The following ALPK3 variants were observed in gnomAD, a reference collection of about 807,000 sequenced individuals.
The protein encoded by ALPK3 is alpha kinase 3.
Under a neutral mutation model 140.0 loss-of-function variants are expected in ALPK3, and 102 were observed. That is an observed-to-expected ratio of 0.73 (90% confidence interval 0.62 to 0.86). The LOEUF (loss-of-function observed/expected upper bound fraction) is 0.86. Ranked by LOEUF, ALPK3 falls within the 40% of genes least tolerant of loss-of-function variation. The pLI is 0.00. For synonymous variants in ALPK3, 938 were observed against 898.5 expected, an observed-to-expected ratio of 1.04 and a Z score of -0.79; for missense variants, 2,254 against 2,208.2, an observed-to-expected ratio of 1.02 and a Z score of -0.42.
chr15:84,839,500 G>A (rs752519050), intron 4 of ALPK3, among the ~76,000 whole-genome samples: 22 of 152,298 alleles, frequency 1.4e-4, no homozygotes, highest in Admixed American at 1.3e-4. Flanking sequence ...TTGGTCAGCC[G>A]CCACCTTTTT....
chr15:84,863,030 CTTA>C (rs1389356542), intron 10 of ALPK3, 115 bp downstream of exon 10: 1 of 1,376,032 alleles, frequency 7.3e-7, no homozygotes, highest in Non-Finnish European at 9.9e-7. Context: ...CAGTCTCAAC[CTTA>C]TGAGGCTCCT....
At position 84,868,574 on chromosome 15, in the gene ALPK3, C is replaced by T; in HGVS notation, c.*118C>T. The T allele has an allele frequency of 1.0e-6, 1 of 994,280 alleles. No homozygotes were observed. Among genetic ancestry groups the T allele is most frequent in the South Asian group, 1.7e-5 (1 of 58,370 alleles). 61.6% of individuals were successfully genotyped at this position (994,280 alleles called of 1,614,324 possible). A position where few individuals can be genotyped will look rare whatever the true frequency, so the allele number is the denominator to read the frequency against. Reference sequence around the variant, plus strand: ...GAGAAGGTGCACGAAGGAGACACCACTTGGGGACCTCTCTGAGCAGGCTCT... The same window carrying T: ...GAGAAGGTGCACGAAGGAGACACCATTTGGGGACCTCTCTGAGCAGGCTCT... On this transcript the variant is annotated 3_prime_UTR_variant, in exon 14 of 14. Coordinates refer to ENST00000258888, the MANE Select transcript of ALPK3 (RefSeq NM_020778.5).
In ALPK3 at chr15:84,856,696, C is replaced by T; in HGVS notation, c.1958C>T (p.Ser653Leu). 2 of 1,614,062 alleles carry T rather than the reference C, an allele frequency of 1.2e-6. No homozygotes were observed. Among genetic ancestry groups the T allele is most frequent in the Non-Finnish European group, 1.7e-6 (2 of 1,180,034 alleles). The change falls in exon 6 of 14, where the codon TCA (serine) becomes TTA (leucine). Residue 653 changes from serine to leucine, a missense_variant. Physicochemically the swap from Ser to Leu is moderately radical, Grantham distance 145 (BLOSUM62 -2). Coordinates refer to ENST00000258888, the MANE Select transcript of ALPK3 (RefSeq NM_020778.5). ...ACACAAGAAAGCAAGAGGCCACAGT[C>T]AGACAGGAGTGCACAGAAGGGCATG... Reference protein sequence around the residue: ...AGTQESKRPQSDRSAQKGMMT... With the variant: ...AGTQESKRPQLDRSAQKGMMT...
chr15:84,861,094 T>C (rs1211312955), intron 9 of ALPK3, among the ~76,000 whole-genome samples: 2 of 152,240 alleles, frequency 1.3e-5, no homozygotes, highest in African/African-American at 2.4e-5. Context: ...AAACATCCAG[T>C]CAGATTTCCC....
rs536491156 is a variant in ALPK3 at position 84,858,102 on chromosome 15, G to A, written c.3364G>A (p.Ala1122Thr). The change falls in exon 6 of 14, where the codon GCA (alanine) becomes ACA (threonine). Residue 1122 changes from alanine (A) to threonine (T), a missense_variant. Transcript: ENST00000258888. ...AGRLGEAGGQ[A>T]APGQGPSAES... is the part of the protein sequence containing the mutation. ...TCGACTGGGGGAGGCGGGTGGGCAG[G>A]CAGCCCCTGGACAGGGGCCCTCAGC... is the stretch of plus-strand genomic sequence containing the variant. 5 of 1,570,254 alleles carry A rather than the reference G, an allele frequency of 3.2e-6. No individual in the cohort carries two copies. In the East Asian group the frequency reaches 1.1e-4, roughly 35 times the overall value.
intron 1 of ALPK3, among the ~76,000 whole-genome samples, chr15:84,822,073 G>T (rs1012643502): frequency 6.6e-6 from 1 of 152,100 alleles, no homozygotes; most frequent in African/African-American, 2.4e-5. Context: ...CCTCTACACT[G>T]GGGGACTGCA....
At chr15:84,824,436 T>C (rs747266607) in intron 2 of ALPK3, among the ~76,000 whole-genome samples, 1 of 152,220 alleles carries the variant, frequency 6.6e-6, no homozygotes, top group Non-Finnish European at 1.5e-5. Context: ...CAGACTCTGA[T>C]AGTTTTGGGG....
At chr15:84,850,456 T>C (rs558259216) in intron 5 of ALPK3, among the ~76,000 whole-genome samples, 2 of 152,318 alleles carry the variant, frequency 1.3e-5, no homozygotes, top group East Asian at 3.9e-4. Context: ...TAATCATAGC[T>C]TACTGCAGCC....
At chr15:84,835,861 A>G (rs1963592273) in intron 3 of ALPK3, among the ~76,000 whole-genome samples, 1 of 152,298 alleles carries the variant, frequency 6.6e-6, no homozygotes, top group South Asian at 2.1e-4. Flanking sequence ...TCATCTATAA[A>G]TATTTGATGA....
chr15:84,818,106 C>G (rs547118597), intron 1 of ALPK3, among the ~76,000 whole-genome samples: 1 of 151,546 alleles, frequency 6.6e-6, no homozygotes, highest in Non-Finnish European at 1.5e-5. Context: ...TCTACTGGGC[C>G]GAGGACTTGG....
At position 84,868,798 on chromosome 15, in the gene ALPK3, CA is replaced by C. The variant is rs1964034413; in HGVS notation, c.*344del. ...AGTCCTCTGCATGAGTTCTGCACCC[CA>C]AGCCCTTGCCCCAGCCCAGTCCAGC... On this transcript the variant is annotated 3_prime_UTR_variant, in exon 14 of 14. Transcript: ENST00000258888. The C allele has an allele frequency of 3.2e-6, 1 of 315,928 alleles. No homozygotes were observed. 19.6% of individuals were successfully genotyped at this position (315,928 alleles called of 1,614,324 possible). A position where few individuals can be genotyped will look rare whatever the true frequency, so the allele number is the denominator to read the frequency against.
In ALPK3 at chr15:84,839,890, A is replaced by G. The variant is rs1963637753; in HGVS notation, c.611A>G (p.Lys204Arg). The G allele has an allele frequency of 6.2e-7, 1 of 1,613,820 alleles. No individual in the cohort carries two copies. Among genetic ancestry groups the G allele is most frequent in the African/African-American group, 1.3e-5 (1 of 74,940 alleles). ...ATCGAGCAGAGCTGGAAGCACGAGA[A>G]GGCGGTGCCTGGGGAGGTCGACACT... ...REIEQSWKHEKAVPGEVDTLR... is the reference protein window; with the variant it reads ...REIEQSWKHERAVPGEVDTLR... Residue 204 changes from lysine (K) to arginine (R), a missense_variant, in exon 5 of 14, where the codon AAG (lysine) becomes AGG (arginine). Coordinates refer to ENST00000258888, the MANE Select transcript of ALPK3 (RefSeq NM_020778.5).
intron 1 of ALPK3, among the ~76,000 whole-genome samples, chr15:84,820,208 C>T (rs1178898535): frequency 6.6e-6 from 1 of 152,154 alleles, no homozygotes; most frequent in Non-Finnish European, 1.5e-5. Flanking sequence ...ACCCCTGCCC[C>T]CTGGATTCTT....
chr15:84,839,937 C>T lies in ALPK3; in HGVS notation c.658C>T (p.Arg220Cys), dbSNP rs763842374. The T allele has an allele frequency of 5.6e-6, 9 of 1,613,556 alleles. No individual in the cohort carries two copies. The highest frequency in any genetic ancestry group is 7.6e-6 in the Non-Finnish European group (9 of 1,179,812). ...CACTCTGCGCAAGCTCAGCCCCGAC[C>T]GCTTCCAGCGAAAGCGGCGATTGAG... ...VDTLRKLSPDRFQRKRRLSGA... is the reference protein window; with the variant it reads ...VDTLRKLSPDCFQRKRRLSGA... Residue 220 changes from arginine to cysteine, a missense_variant, in exon 5 of 14, where the codon CGC becomes TGC. Physicochemically the swap from Arg to Cys is radical, Grantham distance 180. Transcript: ENST00000258888.
At chr15:84,829,466 A>G (rs908411470) in intron 3 of ALPK3, among the ~76,000 whole-genome samples, 1 of 152,238 alleles carries the variant, frequency 6.6e-6, no homozygotes, top group Non-Finnish European at 1.5e-5. Context: ...CCTGAGAGAG[A>G]GAAGATTCAG....
At chr15:84,860,952 C>T (rs1963937900) in intron 9 of ALPK3, among the ~76,000 whole-genome samples, 1 of 152,246 alleles carries the variant, frequency 6.6e-6, no homozygotes, top group Non-Finnish European at 1.5e-5. Context: ...GACCTCCTGA[C>T]CTCAAGGGAT....
Position 84,858,432 on chromosome 15 carries a change from G to C in ALPK3, c.3694G>C (p.Glu1232Gln). The C allele has an allele frequency of 6.4e-7, 1 of 1,563,454 alleles. No homozygotes were observed. The highest frequency in any genetic ancestry group is 8.6e-7 in the Non-Finnish European group (1 of 1,157,372). ...GCTGGAGGTGCCTCGGGCAGAGGAG[G>C]AGCTGGCGGCAGGAGACCTGGGCCC... ...SMLEVPRAEE[E>Q]LAAGDLGPSP... Residue 1232 changes from glutamate to glutamine, a missense_variant, in exon 6 of 14, where the codon GAG (glutamate) becomes CAG (glutamine). Around this residue, in one of 3 missense-constraint regions of ALPK3, gnomAD observed 2,088 missense variants for 2,022.9 expected, o/e 1.03. Coordinates refer to ENST00000258888, the MANE Select transcript of ALPK3 (RefSeq NM_020778.5).
At position 84,873,073 on chromosome 15, in the gene ALPK3, C is replaced by T. The variant is rs952632771; in HGVS notation, c.*4617C>T. The stretch of plus-strand genomic sequence containing the variant: ...CGATGAGCGCCCTATTTTGTTCCTT[C>T]TGTCTATCTCTGTTGCTGAGATCAG... On this transcript the variant is annotated 3_prime_UTR_variant, in exon 14 of 14. Transcript: ENST00000258888. 1 of 152,192 alleles carries T rather than the reference C, an allele frequency of 6.6e-6. No homozygotes were observed. Among genetic ancestry groups the T allele is most frequent in the East Asian group, 1.9e-4 (1 of 5,192 alleles). 9.4% of individuals were successfully genotyped at this position (152,192 alleles called of 1,614,324 possible).
At chr15:84,835,732 G>C (rs1359454098) in intron 3 of ALPK3, among the ~76,000 whole-genome samples, 1 of 152,166 alleles carries the variant, frequency 6.6e-6, no homozygotes, top group South Asian at 2.1e-4. Context: ...CTGAAATCCT[G>C]CCCACCCTCC....
Sources: allele counts gnomAD v4.1 joint callset (sites outside exome capture counted in the v4.1 genomes callset), GRCh38; gene constraint gnomAD v4.1.1; regional missense constraint gnomAD v4.1.1; transcripts MANE v1.5; gene names NCBI Gene and HGNC (gene_info 2026-07-23, HGNC 2026-07-21).